Variants in FHIP2A observed in about 807,000 individuals in gnomAD.
The protein encoded by FHIP2A is family with sequence similarity 160 member B1.
FHIP2A carries 46 observed loss-of-function variants against 93.5 expected under a neutral mutation model. The ratio of observed to expected loss-of-function variants is 0.49; its 90% CI spans 0.39 to 0.63. FHIP2A has a LOEUF of 0.63. Ranked by LOEUF, FHIP2A falls within the 20% of genes least tolerant of loss-of-function variation. FHIP2A has a pLI of 0.00. For missense variants in FHIP2A, 769 were observed against 909.7 expected, an observed-to-expected ratio of 0.85 and a Z score of 1.99; for synonymous variants, 332 against 326.5, an observed-to-expected ratio of 1.02 and a Z score of -0.18.
intron 16 of FHIP2A, among the ~76,000 whole-genome samples, chr10:114,893,489 G>A (rs975715829): frequency 3.9e-5 from 6 of 152,160 alleles, no homozygotes; most frequent in Non-Finnish European, 8.8e-5. Context: ...ATCAGCAACA[G>A]TCTCACTGGA....
intron 7 of FHIP2A, among the ~76,000 whole-genome samples, chr10:114,844,539 C>CT (rs1358901964): frequency 6.6e-6 from 1 of 152,138 alleles, no homozygotes; most frequent in Non-Finnish European, 1.5e-5. Flanking sequence ...TTTTTCCACT[C>CT]TATTTTCTGT....
At chr10:114,886,800 C>T (rs2083945589) in intron 16 of FHIP2A, among the ~76,000 whole-genome samples, 1 of 152,148 alleles carries the variant, frequency 6.6e-6, no homozygotes, top group African/African-American at 2.4e-5. Flanking sequence ...CCACCTCAGC[C>T]TCCCAAAGTA....
At chr10:114,859,977 T>C (rs2083788270) in intron 14 of FHIP2A, among the ~76,000 whole-genome samples, 1 of 152,208 alleles carries the variant, frequency 6.6e-6, no homozygotes, top group South Asian at 2.1e-4. Flanking sequence ...TGTATGTGTT[T>C]TTGGGAATTG....
intron 2 of FHIP2A, among the ~76,000 whole-genome samples, chr10:114,832,621 C>G (rs2083613771): frequency 6.6e-6 from 1 of 151,946 alleles, no homozygotes; most frequent in African/African-American, 2.4e-5. Flanking sequence ...ATGTATTTTT[C>G]CTGGTCATGT....
intron 14 of FHIP2A, 119 bp downstream of exon 14, chr10:114,855,459 G>A (rs2083761571): frequency 8.0e-6 from 7 of 874,360 alleles, no homozygotes; most frequent in Non-Finnish European, 1.2e-5. Context: ...TTTTCCACTG[G>A]ATGACTTTTT....
intron 16 of FHIP2A, among the ~76,000 whole-genome samples, chr10:114,883,741 G>C (rs915252807): frequency 6.6e-6 from 1 of 152,046 alleles, no homozygotes; most frequent in East Asian, 1.9e-4. Context: ...ACCACCCCTG[G>C]CTAATTTTTT....
chr10:114,847,263 T>C (rs1203006810), intron 12 of FHIP2A, 30 bp downstream of exon 12: 1 of 1,580,180 alleles, frequency 6.3e-7, no homozygotes, highest in South Asian at 1.2e-5. Flanking sequence ...TTGACTTCCA[T>C]CTCTCTTGTT....
At chr10:114,899,583 C>T in exon 17 of FHIP2A, 1 of 714,504 alleles carries the variant, frequency 1.4e-6, no homozygotes, top group South Asian at 1.5e-5. Flanking sequence ...ATGGTTTCCA[C>T]AAAAAATCTT....
chr10:114,885,661 C>T (rs764686194), intron 16 of FHIP2A, among the ~76,000 whole-genome samples: 1 of 152,216 alleles, frequency 6.6e-6, no homozygotes, highest in Non-Finnish European at 1.5e-5. Flanking sequence ...TCATCTTTCC[C>T]ATGCTATTCA....
Position 114,864,554 on chromosome 10 carries a change from C to T in FHIP2A, c.*3014C>T, listed in dbSNP as rs753445941. 7 of 985,724 alleles carry T rather than the reference C, an allele frequency of 7.1e-6. No homozygotes were observed. Among genetic ancestry groups the T allele is most frequent in the South Asian group, 4.7e-5 (1 of 21,278 alleles). 61.1% of individuals were successfully genotyped at this position (985,724 alleles called of 1,614,324 possible). A position where few individuals can be genotyped will look rare whatever the true frequency, so the allele number is the denominator to read the frequency against. On this transcript the variant is annotated 3_prime_UTR_variant, in exon 17 of 17. Coordinates refer to ENST00000369248, the MANE Select transcript of FHIP2A (RefSeq NM_020940.4). ...TGTAGGTTACTGACAGTGTTACCAG[C>T]GTCTGGAATTCTTGGTCCCTCCGTG...
downstream of FHIP2A, among the ~76,000 whole-genome samples, chr10:114,864,992 ATTT>A (rs142952175): frequency 4.0e-5 from 6 of 148,260 alleles, no homozygotes; most frequent in South Asian, 4.3e-4. Flanking sequence ...CTCAAAAACA[ATTT>A]TTTTTTTTTT....
intron 16 of FHIP2A, among the ~76,000 whole-genome samples, chr10:114,878,628 A>C (rs2083901211): frequency 6.6e-6 from 1 of 152,014 alleles, no homozygotes; most frequent in South Asian, 2.1e-4. Context: ...AAAATACAAA[A>C]ATTAGCCGGC....
rs11196939 is a variant in FHIP2A at position 114,833,416 on chromosome 10, C to T, written c.294+14C>T. Reference sequence around the variant, plus strand: ...GGGAAAGCTGATGTAAGTTCCTGATCCACACCATGTTCTTGGGCATTAGTA... The same window carrying T: ...GGGAAAGCTGATGTAAGTTCCTGATTCACACCATGTTCTTGGGCATTAGTA... On this transcript the variant is annotated intron_variant, in intron 3 of 16. Transcript: ENST00000369248. 0.46 allele frequency: 745,065 copies of T among 1,608,880 alleles called. 176,625 individuals are homozygous for T. Among genetic ancestry groups the T allele is most frequent in the Non-Finnish European group, 0.49 (574,320 of 1,175,996 alleles).
intron 5 of FHIP2A, among the ~76,000 whole-genome samples, chr10:114,841,071 C>T (rs988566698): frequency 3.9e-5 from 6 of 151,984 alleles, no homozygotes; most frequent in South Asian, 2.1e-4. Flanking sequence ...TCAACAGGTC[C>T]GGATGGGACC....
intron 16 of FHIP2A, among the ~76,000 whole-genome samples, chr10:114,894,970 T>C (rs1442478484): frequency 6.6e-6 from 1 of 152,238 alleles, no homozygotes; most frequent in Non-Finnish European, 1.5e-5. Context: ...GCACTGAGAA[T>C]GCAGAAGGAT....
chr10:114,834,903 C>T (rs1176964752), intron 3 of FHIP2A, among the ~76,000 whole-genome samples: 1 of 152,140 alleles, frequency 6.6e-6, no homozygotes, highest in East Asian at 1.9e-4. Context: ...GGATGCAAAA[C>T]CTGTCTATGC....
In FHIP2A at chr10:114,821,839, G is replaced by C. The variant is rs752667220; in HGVS notation, c.-240G>C. The C allele has an allele frequency of 5.3e-4, 128 of 241,744 alleles. No individual in the cohort carries two copies. Among genetic ancestry groups the C allele is most frequent in the Admixed American group, 7.4e-4 (13 of 17,538 alleles). The allele number at this position is 241,744 out of a possible 1,614,324, so 15.0% of individuals were successfully genotyped here. Reference sequence around the variant, plus strand: ...CCGCCGGAGCTTCTCCGGGCCCCGAGTCCTCGCCGAACGCCCTCCTCGCCG... The same window carrying C: ...CCGCCGGAGCTTCTCCGGGCCCCGACTCCTCGCCGAACGCCCTCCTCGCCG... On this transcript the variant is annotated 5_prime_UTR_variant, in exon 1 of 17. Transcript: ENST00000369248.
At chr10:114,841,531 A>G (rs1347071073) in intron 5 of FHIP2A, among the ~76,000 whole-genome samples, 1 of 151,990 alleles carries the variant, frequency 6.6e-6, no homozygotes, top group Non-Finnish European at 1.5e-5. Context: ...ACCTCAAGTG[A>G]TCCGCCTGCC....
chr10:114,824,390 T>C (rs1427261596), intron 1 of FHIP2A, among the ~76,000 whole-genome samples: 1 of 152,226 alleles, frequency 6.6e-6, no homozygotes, highest in Admixed American at 6.5e-5. Flanking sequence ...CTCTGTAATA[T>C]CCTTAGCCTA....
Sources: gnomAD v4.1 joint callset for allele counts (sites outside exome capture counted in the v4.1 genomes callset) on GRCh38, gnomAD v4.1.1 for gene constraint, MANE v1.5 for transcripts, NCBI Gene and HGNC (gene_info 2026-07-23, HGNC 2026-07-21) for gene names.